The following STAU2 variants were observed in gnomAD, a reference collection of about 807,000 sequenced individuals.
STAU2 encodes the protein double-stranded RNA-binding protein Staufen homolog 2.
Under a neutral mutation model 65.9 loss-of-function variants are expected in STAU2, and 20 were observed. The observed-to-expected ratio is 0.30, with a 90% CI of 0.21 to 0.44. The LOEUF (loss-of-function observed/expected upper bound fraction) is 0.44, where lower values mean the gene tolerates loss of function less well. Among genes scored for constraint, STAU2 ranks in the 20% least tolerant of loss-of-function variants. The pLI, the probability that STAU2 is intolerant of heterozygous loss-of-function variation, is 1.00. For synonymous variants in STAU2, 232 were observed against 233.9 expected, an observed-to-expected ratio of 0.99 and a Z score of 0.07; for missense variants, 558 against 683.9, an observed-to-expected ratio of 0.82 and a Z score of 2.05.
chr8:73,538,612 C>A, intron 13 of STAU2, among the ~76,000 whole-genome samples: 1 of 148,542 alleles, frequency 6.7e-6, no homozygotes, highest in Admixed American at 6.7e-5. Flanking sequence ...GGCCTGGAGA[C>A]TTGTAATATT....
At chr8:73,620,151 G>A (rs933945661) in intron 6 of STAU2, among the ~76,000 whole-genome samples, 4 of 151,848 alleles carry the variant, frequency 2.6e-5, no homozygotes, top group Admixed American at 6.6e-5. Flanking sequence ...GAATAACGCC[G>A]GTCATCTTCA....
At chr8:73,537,320 C>A (rs1450826022) in intron 13 of STAU2, among the ~76,000 whole-genome samples, 8 of 53,616 alleles carry the variant, frequency 1.5e-4, no homozygotes, top group African/African-American at 3.3e-4. Context: ...GAAAAAAATT[C>A]AAAAAAGTAA....
intron 5 of STAU2, among the ~76,000 whole-genome samples, chr8:73,683,941 T>C (rs1314844375): frequency 6.6e-6 from 1 of 152,096 alleles, no homozygotes; most frequent in Non-Finnish European, 1.5e-5. Context: ...TACAAAACAC[T>C]GCTGAAAGAA....
At chr8:73,494,338 T>G (rs1466818818) in intron 13 of STAU2, among the ~76,000 whole-genome samples, 2 of 151,750 alleles carry the variant, frequency 1.3e-5, no homozygotes, top group African/African-American at 2.4e-5. Context: ...TAGCAAAATA[T>G]TAATTATACA....
chr8:73,684,776 CAA>C (rs1441582044), intron 5 of STAU2, among the ~76,000 whole-genome samples: 1 of 152,054 alleles, frequency 6.6e-6, no homozygotes, highest in East Asian at 1.9e-4. Context: ...ATAATGCCAT[CAA>C]AAAGTCAGCT....
At chr8:73,423,039 C>T (rs989582803) in intron 13 of STAU2, among the ~76,000 whole-genome samples, 2 of 152,246 alleles carry the variant, frequency 1.3e-5, no homozygotes, top group African/African-American at 4.8e-5. Flanking sequence ...ACTACACATT[C>T]TCTTCTCTCA....
At chr8:73,487,019 A>G (rs1820953024) in intron 13 of STAU2, among the ~76,000 whole-genome samples, 1 of 152,102 alleles carries the variant, frequency 6.6e-6, no homozygotes, top group Non-Finnish European at 1.5e-5. Flanking sequence ...TAATGGCAAC[A>G]GAAAACTATA....
chr8:73,630,261 T>C (rs956046914), intron 6 of STAU2, among the ~76,000 whole-genome samples: 5 of 152,264 alleles, frequency 3.3e-5, no homozygotes, highest in African/African-American at 7.2e-5. Flanking sequence ...TTACATCGGT[T>C]AGTCAGTGTG....
intron 13 of STAU2, among the ~76,000 whole-genome samples, chr8:73,511,028 T>A (rs4738378): frequency 6.6e-6 from 1 of 152,176 alleles, no homozygotes; most frequent in Admixed American, 6.5e-5. Flanking sequence ...TGGTGACCAC[T>A]GAAGGCAGTG....
chr8:73,583,121 C>T (rs1165633149), intron 11 of STAU2, among the ~76,000 whole-genome samples: 1 of 151,704 alleles, frequency 6.6e-6, no homozygotes, highest in African/African-American at 2.4e-5. Flanking sequence ...AGAATGTAAG[C>T]TCTAGCTAGG....
At chr8:73,503,351 T>C (rs940735210) in intron 13 of STAU2, among the ~76,000 whole-genome samples, 1 of 152,144 alleles carries the variant, frequency 6.6e-6, no homozygotes, top group Non-Finnish European at 1.5e-5. Context: ...CTTAAAGTAA[T>C]AGCAGGGCTC....
At chr8:73,439,165 C>T in intron 13 of STAU2, 4 of 392,020 alleles carry the variant, frequency 1.0e-5, no homozygotes, top group South Asian at 7.6e-5. Flanking sequence ...CATCTGTTAA[C>T]ACCTCCACCC....
At chr8:73,453,696 C>T (rs1391845521) in intron 13 of STAU2, among the ~76,000 whole-genome samples, 1 of 151,856 alleles carries the variant, frequency 6.6e-6, no homozygotes, top group Non-Finnish European at 1.5e-5. Context: ...TTTTAAGAGG[C>T]AATTAATTTC....
At chr8:73,540,109 G>T (rs1335058372) in intron 13 of STAU2, among the ~76,000 whole-genome samples, 1 of 152,166 alleles carries the variant, frequency 6.6e-6, no homozygotes, top group African/African-American at 2.4e-5. Context: ...ATATATCCAA[G>T]TGTGTAGCCC....
chr8:73,702,593 A>G (rs910547310), intron 4 of STAU2, among the ~76,000 whole-genome samples: 1 of 152,186 alleles, frequency 6.6e-6, no homozygotes, highest in Non-Finnish European at 1.5e-5. Flanking sequence ...TAATTAAAAA[A>G]GAGACAAAGA....
At chr8:73,577,109 T>C (rs1012876917) in intron 12 of STAU2, among the ~76,000 whole-genome samples, 12 of 152,202 alleles carry the variant, frequency 7.9e-5, no homozygotes, top group Admixed American at 6.5e-4. Context: ...AGTATACAGA[T>C]AATTCTGCTT....
intron 6 of STAU2, among the ~76,000 whole-genome samples, chr8:73,656,269 T>A (rs1816364128): frequency 6.6e-6 from 1 of 152,228 alleles, no homozygotes; most frequent in Non-Finnish European, 1.5e-5. Context: ...TAATTCACAT[T>A]AAAAACTAAA....
chr8:73,626,058 A>G (rs1346592383), intron 6 of STAU2, among the ~76,000 whole-genome samples: 1 of 148,076 alleles, frequency 6.8e-6, no homozygotes, highest in Admixed American at 6.8e-5. Flanking sequence ...GAAACTATCA[A>G]TCAAGTAAGT....
At chr8:73,678,035 T>C (rs1818135684) in intron 5 of STAU2, among the ~76,000 whole-genome samples, 1 of 152,180 alleles carries the variant, frequency 6.6e-6, no homozygotes, top group African/African-American at 2.4e-5. Flanking sequence ...AGACAGCTTG[T>C]TCTGTTCCAT....
Sources: gnomAD v4.1 joint callset for allele counts (sites outside exome capture counted in the v4.1 genomes callset) on GRCh38, gnomAD v4.1.1 for gene constraint, MANE v1.5 for transcripts, NCBI Gene and HGNC (gene_info 2026-07-23, HGNC 2026-07-21) for gene names.